LOC122539214: variants seen among roughly 807,000 people sequenced by gnomAD.
chr19:52,673,479 C>T, the LOC122539214 span, among the ~76,000 whole-genome samples: 1 of 151,292 alleles, frequency 6.6e-6, no homozygotes, highest in South Asian at 2.1e-4. Flanking sequence ...CTCCAGGGTA[C>T]ACAAGAAGAG....
the LOC122539214 span, chr19:52,652,579 G>T: frequency 4.6e-6 from 2 of 433,428 alleles, no homozygotes; most frequent in Non-Finnish European, 9.3e-6. Flanking sequence ...TCCAGTATGA[G>T]TTCACTGATG....
At chr19:52,664,833 A>G in the LOC122539214 span, among the ~76,000 whole-genome samples, 3,286 of 151,882 alleles carry the variant, frequency 0.022, 114 homozygotes, top group African/African-American at 0.07. Context: ...GCTTCCCTCT[A>G]TCTCACTCTC....
chr19:52,660,133 T>C, the LOC122539214 span, among the ~76,000 whole-genome samples: 1 of 70,034 alleles, frequency 1.4e-5, no homozygotes. Context: ...GTGGTAAGAA[T>C]CATGGTGGTA....
the LOC122539214 span, among the ~76,000 whole-genome samples, chr19:52,677,329 A>AAAAAAT: frequency 3.9e-5 from 5 of 129,134 alleles, no homozygotes; most frequent in African/African-American, 5.9e-5. Flanking sequence ...AAAAAAAAAA[A>AAAAAAT]ACAAAAATTA....
the LOC122539214 span, among the ~76,000 whole-genome samples, chr19:52,653,507 G>A: frequency 1.3e-5 from 2 of 151,882 alleles, no homozygotes; most frequent in Non-Finnish European, 1.5e-5. Context: ...GTATGAATTC[G>A]CCTATGTGTT....
the LOC122539214 span, among the ~76,000 whole-genome samples, chr19:52,680,663 A>G: frequency 6.9e-5 from 8 of 115,742 alleles, no homozygotes; most frequent in South Asian, 1.2e-3. Flanking sequence ...CCCAGGCTGG[A>G]GTGCAGTGGC....
the LOC122539214 span, among the ~76,000 whole-genome samples, chr19:52,686,562 ATTT>A: frequency 6.3e-4 from 95 of 151,334 alleles, no homozygotes; most frequent in African/African-American, 2.1e-3. Flanking sequence ...TACCCCTTTT[ATTT>A]TTTATTTTTT....
At chr19:52,680,814 G>T in the LOC122539214 span, among the ~76,000 whole-genome samples, 4 of 148,904 alleles carry the variant, frequency 2.7e-5, no homozygotes, top group East Asian at 2.0e-4. Flanking sequence ...GGGTTTCACC[G>T]TGTTAGCCAG....
At chr19:52,687,603 ATATATAT>A in the LOC122539214 span, among the ~76,000 whole-genome samples, 210 of 38,746 alleles carry the variant, frequency 5.4e-3, 26 homozygotes, top group African/African-American at 0.061. Context: ...TATAATGTAT[ATATATAT>A]AATGTGTATA....
the LOC122539214 span, among the ~76,000 whole-genome samples, chr19:52,677,329 A>AAAAAAAAT: frequency 3.3e-4 from 42 of 129,070 alleles, 1 homozygote; most frequent in East Asian, 6.7e-4. Flanking sequence ...AAAAAAAAAA[A>AAAAAAAAT]ACAAAAATTA....
chr19:52,661,655 A>G, the LOC122539214 span, among the ~76,000 whole-genome samples: 5 of 152,310 alleles, frequency 3.3e-5, no homozygotes, highest in Non-Finnish European at 7.4e-5. Flanking sequence ...CTCCACTCAG[A>G]GGGTACCAGC....
chr19:52,679,116 A>G, the LOC122539214 span, among the ~76,000 whole-genome samples: 1 of 152,254 alleles, frequency 6.6e-6, no homozygotes, highest in African/African-American at 2.4e-5. Flanking sequence ...GTTAAAAATG[A>G]ACAGTGACAC....
chr19:52,664,759 G>T, the LOC122539214 span, among the ~76,000 whole-genome samples: 2 of 151,396 alleles, frequency 1.3e-5, no homozygotes, highest in African/African-American at 2.4e-5. Context: ...GGTGTGGGGG[G>T]GTGAGGGGGG....
the LOC122539214 span, among the ~76,000 whole-genome samples, chr19:52,658,435 G>A: frequency 3.3e-5 from 5 of 152,220 alleles, no homozygotes; most frequent in Non-Finnish European, 7.4e-5. Context: ...GTGTGGTGGT[G>A]CGCACCTGTA....
the LOC122539214 span, among the ~76,000 whole-genome samples, chr19:52,685,381 CT>C: frequency 1.3e-5 from 2 of 151,912 alleles, no homozygotes; most frequent in African/African-American, 2.4e-5. Context: ...TTTATCACCC[CT>C]ATCCTTGAAA....
the LOC122539214 span, among the ~76,000 whole-genome samples, chr19:52,683,386 A>G: frequency 6.6e-6 from 1 of 151,840 alleles, no homozygotes; most frequent in Admixed American, 6.6e-5. Context: ...TGCTGTTTGC[A>G]CTCTGATTCT....
the LOC122539214 span, among the ~76,000 whole-genome samples, chr19:52,681,957 C>T: frequency 6.6e-6 from 1 of 152,166 alleles, no homozygotes; most frequent in Non-Finnish European, 1.5e-5. Flanking sequence ...AAGCAATTCT[C>T]CTGCCTCAGC....
At chr19:52,683,522 A>AGGACCCTCACTCTGAGCGCATC in the LOC122539214 span, among the ~76,000 whole-genome samples, 14 of 84,210 alleles carry the variant, frequency 1.7e-4, 1 homozygote, top group East Asian at 5.6e-4. Context: ...AAGGGAATCC[A>AGGACCCTCACTCTGAGCGCATC]AAGGGAAGGG....
At chr19:52,689,606 G>C in the LOC122539214 span, among the ~76,000 whole-genome samples, 4 of 152,124 alleles carry the variant, frequency 2.6e-5, no homozygotes, top group East Asian at 1.9e-4. Flanking sequence ...CTACATTTCT[G>C]CACTTGCTTT....
Sources: allele counts gnomAD v4.1 joint callset (sites outside exome capture counted in the v4.1 genomes callset), GRCh38; gene constraint gnomAD v4.1.1; transcripts MANE v1.5.